Variants in MAP3K2 observed in about 807,000 individuals in gnomAD.
The protein encoded by MAP3K2 is MAP/ERK kinase kinase 2.
MAP3K2 carries 24 observed loss-of-function variants against 80.3 expected under a neutral mutation model. The observed-to-expected ratio is 0.30, with a 90% CI of 0.22 to 0.42. The LOEUF is 0.42. MAP3K2 is among the 10% of genes least tolerant of loss of function. MAP3K2 has a pLI of 1.00. For missense variants in MAP3K2, 608 were observed against 750.1 expected (o/e 0.81, Z 2.21); for synonymous variants, 244 against 253.7 (o/e 0.96, Z 0.36).
rs1275164871 is a variant in MAP3K2, at chr2:127,339,187, T to C, written c.5-137A>G. 1 of 593,834 alleles carries C rather than the reference T, an allele frequency of 1.7e-6. No homozygotes were observed. The highest frequency in any genetic ancestry group is 3.0e-6 in the Non-Finnish European group (1 of 332,634). 36.8% of individuals were successfully genotyped at this position (593,834 alleles called of 1,614,324 possible). On this transcript the variant is annotated intron_variant, in intron 2 of 16. Transcript: ENST00000682094. The surrounding 1 kb of genome is among the most constrained non-coding windows in gnomAD (Gnocchi z 4.2). ...TAATGCAAAAATGCATCTAGAACAT[T>C]TTTAATGCCTACACTTTTGGTAAAA...
In MAP3K2 at chr2:127,303,077, CACT is replaced by C. The variant is rs1475430687; in HGVS notation, c.*4499_*4501del. 6.6e-6 allele frequency: 1 copy of C among 151,888 alleles called. No homozygotes were observed. Among genetic ancestry groups the C allele is most frequent in the Non-Finnish European group, 1.5e-5 (1 of 67,968 alleles). The allele number at this position is 151,888 out of a possible 1,614,324, so 9.4% of individuals were successfully genotyped here. A position where few individuals can be genotyped will look rare whatever the true frequency, so the allele number is the denominator to read the frequency against. ...AAAATTAAGGCATACAGAGAAAAGG[CACT>C]ACTAAAAATTAACAATTGGATTGCT... On this transcript the variant is annotated 3_prime_UTR_variant, in exon 17 of 17. Transcript: ENST00000682094.
Position 127,379,275 on chromosome 2 carries a change from T to C in MAP3K2, c.-66+8177A>G, listed in dbSNP as rs1005170299. Among the ~76,000 whole-genome samples the C allele has an allele frequency of 2.6e-5, 4 of 152,204 alleles. No homozygotes were observed. In the South Asian group the frequency reaches 8.3e-4, roughly 32 times the overall value. On this transcript the variant is annotated intron_variant, in intron 1 of 16. Transcript: ENST00000682094. ...TACATCAAAATAGACAGAATCTATG[T>C]GGATTATGAGAGATTTTTACAATAA... is the stretch of plus-strand genomic sequence containing the variant.
intron 16 of MAP3K2, among the ~76,000 whole-genome samples, chr2:127,308,089 T>C (rs761501145): frequency 6.6e-6 from 1 of 152,206 alleles, no homozygotes; most frequent in Non-Finnish European, 1.5e-5. Flanking sequence ...TTAAAAATAA[T>C]TTTTGTCTTT....
chr2:127,330,830 TGAA>T (rs1465472058), intron 5 of MAP3K2, among the ~76,000 whole-genome samples: 1 of 152,216 alleles, frequency 6.6e-6, no homozygotes, highest in African/African-American at 2.4e-5. Context: ...CTAAAAAGAA[TGAA>T]GAAGTACAGA....
At chr2:127,356,774 T>C (rs1390751798) in intron 1 of MAP3K2, among the ~76,000 whole-genome samples, 1 of 152,104 alleles carries the variant, frequency 6.6e-6, no homozygotes, top group African/African-American at 2.4e-5. Flanking sequence ...ATTATGAAAT[T>C]ACGAAAAGAA....
intron 7 of MAP3K2, among the ~76,000 whole-genome samples, chr2:127,328,699 A>G (rs946640659): frequency 6.6e-6 from 1 of 152,252 alleles, no homozygotes; most frequent in Non-Finnish European, 1.5e-5. Flanking sequence ...TAAGACAGAC[A>G]CTTCGAAGAG....
chr2:127,382,682 C>T (rs1206284759), intron 1 of MAP3K2, among the ~76,000 whole-genome samples: 3 of 152,188 alleles, frequency 2.0e-5, no homozygotes, highest in African/African-American at 7.2e-5. Flanking sequence ...ACTGGCACCT[C>T]GTCCCACTAA....
intron 1 of MAP3K2, among the ~76,000 whole-genome samples, chr2:127,381,040 T>A (rs1192467993): frequency 1.3e-5 from 2 of 152,228 alleles, no homozygotes; most frequent in Non-Finnish European, 2.9e-5. Context: ...CTTCTTTTTT[T>A]CCTGATTTTT....
At chr2:127,374,719 G>A (rs1198274707) in intron 1 of MAP3K2, among the ~76,000 whole-genome samples, 1 of 152,146 alleles carries the variant, frequency 6.6e-6, no homozygotes, top group Non-Finnish European at 1.5e-5. Flanking sequence ...CACCCGATAT[G>A]TCATTAAACA....
At chr2:127,348,169 C>T (rs1257856959) in intron 1 of MAP3K2, among the ~76,000 whole-genome samples, 1 of 152,120 alleles carries the variant, frequency 6.6e-6, no homozygotes, top group Non-Finnish European at 1.5e-5. Context: ...AATTGGATCA[C>T]TTGAGGTCAG....
chr2:127,358,820 T>C (rs941417385), intron 1 of MAP3K2, among the ~76,000 whole-genome samples: 2 of 152,042 alleles, frequency 1.3e-5, no homozygotes, highest in African/African-American at 4.8e-5. Flanking sequence ...TCCCAGCTAC[T>C]TGACTGGCTG....
In MAP3K2 at chr2:127,321,623, T is replaced by A. The variant is rs1435798872; in HGVS notation, c.1045+423A>T. On this transcript the variant is annotated intron_variant, in intron 12 of 16. Transcript: ENST00000682094. This position sits in a 1 kb window ranked among gnomAD's most constrained non-coding sequence, Gnocchi z 4.4. The stretch of plus-strand genomic sequence containing the variant: ...CAGCCAAAAATTGAACTATTCCCCA[T>A]TTTTAGATGATGTTATGGCCTCTTG... Among the ~76,000 whole-genome samples the A allele has an allele frequency of 2.0e-5, 3 of 152,238 alleles. No homozygotes were observed. The highest frequency in any genetic ancestry group is 4.4e-5 in the Non-Finnish European group (3 of 68,034).
chr2:127,320,870 G>A (rs143198322), intron 12 of MAP3K2, among the ~76,000 whole-genome samples: 5 of 152,276 alleles, frequency 3.3e-5, no homozygotes, highest in Non-Finnish European at 7.4e-5. Flanking sequence ...TGTAATCCCA[G>A]CACTTTGGGA....
chr2:127,308,134 G>A (rs1685742168), intron 16 of MAP3K2, among the ~76,000 whole-genome samples: 1 of 151,770 alleles, frequency 6.6e-6, no homozygotes, highest in Admixed American at 6.6e-5. Context: ...GAAATCAATT[G>A]CCTTCAGGTG....
chr2:127,328,966 C>T (rs139605521), intron 7 of MAP3K2, among the ~76,000 whole-genome samples: 3 of 152,120 alleles, frequency 2.0e-5, no homozygotes, highest in African/African-American at 7.2e-5. Context: ...ACATTTATAC[C>T]AGCGGTTTTT....
At chr2:127,343,724 G>T (rs913775482) in intron 1 of MAP3K2, among the ~76,000 whole-genome samples, 3 of 152,118 alleles carry the variant, frequency 2.0e-5, no homozygotes, top group Admixed American at 2.0e-4. Flanking sequence ...TTACATAAAA[G>T]AAAGGTGTTT....
At chr2:127,363,919 G>A (rs1035778129) in intron 1 of MAP3K2, among the ~76,000 whole-genome samples, 2 of 152,074 alleles carry the variant, frequency 1.3e-5, no homozygotes, top group African/African-American at 4.8e-5. Flanking sequence ...AGCCTCCAAA[G>A]TACTGGGATT....
intron 1 of MAP3K2, among the ~76,000 whole-genome samples, chr2:127,384,114 C>A (rs190343689): frequency 0.011 from 1,730 of 151,618 alleles, 32 homozygotes; most frequent in African/African-American, 0.04. Context: ...CCAGGATGGT[C>A]TTGATCTCCT....
In MAP3K2 at chr2:127,303,987, T is replaced by G. The variant is rs1203764401; in HGVS notation, c.*3592A>C. ...ATATATGAGCTGGAGTAGCAGAGAC[T>G]TAGTCTAAAGAAATAGTTTCATCTT... On this transcript the variant is annotated 3_prime_UTR_variant, in exon 17 of 17. Transcript: ENST00000682094. The G allele has an allele frequency of 6.6e-6, 1 of 152,186 alleles. No homozygotes were observed. The highest frequency in any genetic ancestry group is 2.4e-5 in the African/African-American group (1 of 41,460). The allele number at this position is 152,186 out of a possible 1,614,324, so 9.4% of individuals were successfully genotyped here. A position where few individuals can be genotyped will look rare whatever the true frequency, so the allele number is the denominator to read the frequency against.
Sources: gnomAD v4.1 joint callset for allele counts (sites outside exome capture counted in the v4.1 genomes callset) on GRCh38, gnomAD v4.1.1 for gene constraint, Gnocchi (gnomAD v3.1) non-coding constraint, MANE v1.5 for transcripts, NCBI Gene and HGNC (gene_info 2026-07-23, HGNC 2026-07-21) for gene names.